The following SLIT2 variants were observed in gnomAD, a reference collection of about 807,000 sequenced individuals.
The protein encoded by SLIT2 is slit homolog 2 protein.
Under a neutral mutation model 185.7 loss-of-function variants are expected in SLIT2, and 41 were observed. The ratio of observed to expected loss-of-function variants is 0.22; its 90% CI spans 0.17 to 0.29. SLIT2 has a LOEUF of 0.29. Among genes scored for constraint, SLIT2 ranks in the 10% least tolerant of loss-of-function variants. The pLI is 1.00. For missense variants in SLIT2, 1,571 were observed against 1,909.0 expected (o/e 0.82, Z 3.30); for synonymous variants, 693 against 680.2 (o/e 1.02, Z -0.29).
In SLIT2 at chr4:20,254,835, T is replaced by A. The variant is rs1711601757; in HGVS notation, c.179+841T>A. 1 of 434,250 alleles carries A rather than the reference T, an allele frequency of 2.3e-6. No homozygotes were observed. Among genetic ancestry groups the A allele is most frequent in the African/African-American group, 2.0e-5 (1 of 49,730 alleles). 26.9% of individuals were successfully genotyped at this position (434,250 alleles called of 1,614,324 possible). On this transcript the variant is annotated intron_variant, in intron 1 of 36. Coordinates refer to ENST00000504154, the MANE Select transcript of SLIT2 (RefSeq NM_004787.4). The surrounding 1 kb of genome is among the most constrained non-coding windows in gnomAD (Gnocchi z 5.1). ...GCGTCCCCATCCACCTTTCTGGCAG[T>A]TTCTGCGCCCCTTCACGTGGCAGCA...
chr4:20,564,088 A>T (rs1162046823), intron 26 of SLIT2, among the ~76,000 whole-genome samples: 11 of 151,722 alleles, frequency 7.3e-5, no homozygotes, highest in Non-Finnish European at 1.3e-4. Context: ...TCATTTTATG[A>T]CTTTATTTGG....
At chr4:20,550,697 T>A (rs1723661958) in intron 24 of SLIT2, 130 bp from the exon 25 acceptor site, 1 of 487,792 alleles carries the variant, frequency 2.1e-6, no homozygotes, top group Admixed American at 3.8e-5. Context: ...GTACCAAAAC[T>A]GTTTATTTTA....
At chr4:20,578,431 T>C (rs1457599451) in intron 29 of SLIT2, among the ~76,000 whole-genome samples, 1 of 152,202 alleles carries the variant, frequency 6.6e-6, no homozygotes, top group Non-Finnish European at 1.5e-5. Context: ...CATTTAACAC[T>C]AGAATTCTGG....
chr4:20,431,790 C>A (rs536241577), intron 4 of SLIT2, among the ~76,000 whole-genome samples: 8 of 152,182 alleles, frequency 5.3e-5, no homozygotes, highest in Non-Finnish European at 1.2e-4. Context: ...TAGCGTCACC[C>A]TCTTCGTTAA....
intron 12 of SLIT2, among the ~76,000 whole-genome samples, 171 bp downstream of exon 12, chr4:20,519,624 A>G (rs1322588041): frequency 6.6e-6 from 1 of 152,204 alleles, no homozygotes; most frequent in East Asian, 1.9e-4. Flanking sequence ...TTACTTGAAG[A>G]CACAACTTTT....
chr4:20,609,956 T>C (rs943461460), intron 33 of SLIT2, 57 bp from the exon 34 acceptor site: 49 of 1,492,506 alleles, frequency 3.3e-5, no homozygotes, highest in Non-Finnish European at 4.3e-5. Context: ...GTAATTTAAC[T>C]ACCTTGCTTT....
At chr4:20,330,880 T>C (rs768051735) in intron 4 of SLIT2, among the ~76,000 whole-genome samples, 3 of 152,122 alleles carry the variant, frequency 2.0e-5, no homozygotes, top group Admixed American at 6.6e-5. Context: ...TCCTAATATA[T>C]AGATAAATTC....
intron 4 of SLIT2, among the ~76,000 whole-genome samples, chr4:20,451,302 T>A (rs1712445163): frequency 6.6e-6 from 1 of 152,358 alleles, no homozygotes; most frequent in African/African-American, 2.4e-5. Flanking sequence ...CCCTCCCCAA[T>A]GTTAATGTTA....
chr4:20,431,418 G>T (rs975005106), intron 4 of SLIT2, among the ~76,000 whole-genome samples: 2 of 151,946 alleles, frequency 1.3e-5, no homozygotes, highest in Admixed American at 1.3e-4. Flanking sequence ...TTTAAAGACA[G>T]AGCAGCTATC....
chr4:20,351,333 G>A (rs970067921), intron 4 of SLIT2, among the ~76,000 whole-genome samples: 7 of 152,166 alleles, frequency 4.6e-5, no homozygotes, highest in Non-Finnish European at 7.3e-5. Context: ...ACAGGCATGA[G>A]CCACCACACC....
intron 4 of SLIT2, among the ~76,000 whole-genome samples, chr4:20,402,984 A>G (rs945316367): frequency 2.0e-5 from 3 of 151,810 alleles, no homozygotes; most frequent in African/African-American, 7.2e-5. Context: ...TATTTTCATT[A>G]TAATAGTGCA....
rs895530651 is a variant in SLIT2, at chr4:20,619,944, A to G, written c.*935A>G. On this transcript the variant is annotated 3_prime_UTR_variant, in exon 37 of 37. Coordinates refer to ENST00000504154, the MANE Select transcript of SLIT2 (RefSeq NM_004787.4). ...TTTTTTTTTTGGCAATAGTACTAAC[A>G]TAGGGTTTTATCTTGGGATACATAT... is the stretch of plus-strand genomic sequence containing the variant. The G allele has an allele frequency of 6.8e-5, 10 of 146,042 alleles. No individual in the cohort carries two copies. Among genetic ancestry groups the G allele is most frequent in the African/African-American group, 2.0e-4 (8 of 39,292 alleles). 9.0% of individuals were successfully genotyped at this position (146,042 alleles called of 1,614,324 possible). A position where few individuals can be genotyped will look rare whatever the true frequency, so the allele number is the denominator to read the frequency against.
chr4:20,447,099 C>T (rs1310002584), intron 4 of SLIT2, among the ~76,000 whole-genome samples: 4 of 152,106 alleles, frequency 2.6e-5, no homozygotes, highest in Admixed American at 6.5e-5. Flanking sequence ...GAAGGGAGAG[C>T]GATTCTTCAG....
intron 4 of SLIT2, among the ~76,000 whole-genome samples, chr4:20,443,676 A>T (rs1169512585): frequency 2.0e-5 from 3 of 151,424 alleles, no homozygotes; most frequent in Non-Finnish European, 2.9e-5. Context: ...TTGAACACTT[A>T]CTAAGTACCA....
rs1202793663 is a variant in SLIT2, at chr4:20,472,599, TATAG to T, written c.467+4780_467+4783del. Among the ~76,000 whole-genome samples the T allele has an allele frequency of 1.9e-4, 2 of 10,498 alleles. 1 individual carries two copies. Among genetic ancestry groups the T allele is most frequent in the African/African-American group, 1.8e-3 (2 of 1,096 alleles). 6.9% of individuals were successfully genotyped at this position (10,498 alleles called of 152,430 possible). A position where few individuals can be genotyped will look rare whatever the true frequency, so the allele number is the denominator to read the frequency against. On this transcript the variant is annotated intron_variant, in intron 5 of 36. Coordinates refer to ENST00000504154, the MANE Select transcript of SLIT2 (RefSeq NM_004787.4). Reference sequence around the variant, plus strand: ...ATATATCTATATATAGATATATATCTATAGATATATCTATATATATCGATATATC... The same window carrying T: ...ATATATCTATATATAGATATATATCTATATATCTATATATATCGATATATC...
intron 4 of SLIT2, among the ~76,000 whole-genome samples, chr4:20,428,008 A>G (rs569324167): frequency 6.6e-6 from 1 of 152,232 alleles, no homozygotes; most frequent in East Asian, 1.9e-4. Flanking sequence ...CCACACTACC[A>G]CAATGCAAAG....
chr4:20,415,406 G>A (rs1175530344), intron 4 of SLIT2, among the ~76,000 whole-genome samples: 3 of 72,572 alleles, frequency 4.1e-5, no homozygotes, highest in East Asian at 3.7e-4. Context: ...GGGAGACTCC[G>A]TCTCAAAAAA....
At chr4:20,345,991 T>TTTG (rs962728913) in intron 4 of SLIT2, among the ~76,000 whole-genome samples, 1 of 151,840 alleles carries the variant, frequency 6.6e-6, no homozygotes, top group Non-Finnish European at 1.5e-5. Context: ...ACTATTTATT[T>TTTG]TTGTTGTTGT....
At chr4:20,507,564 T>C (rs1259843443) in intron 9 of SLIT2, among the ~76,000 whole-genome samples, 1 of 151,794 alleles carries the variant, frequency 6.6e-6, no homozygotes, top group Non-Finnish European at 1.5e-5. Context: ...AATAAAACTT[T>C]CACAAATGTA....
Sources: allele counts gnomAD v4.1 joint callset (sites outside exome capture counted in the v4.1 genomes callset), GRCh38; gene constraint gnomAD v4.1.1; non-coding constraint Gnocchi (gnomAD v3.1); transcripts MANE v1.5; gene names NCBI Gene and HGNC (gene_info 2026-07-23, HGNC 2026-07-21).